ST18: variants seen among roughly 807,000 people sequenced by gnomAD.
The protein encoded by ST18 is suppression of tumorigenicity 18 protein.
In ST18, 50 loss-of-function variants were observed where a neutral mutation model predicts 110.0. That is an observed-to-expected ratio of 0.45 (90% CI 0.36 to 0.58). The LOEUF is 0.58. ST18 is among the 20% of genes least tolerant of loss of function. ST18 has a pLI of 0.00. For missense variants in ST18, 1,306 were observed against 1,280.1 expected, an observed-to-expected ratio of 1.02 and a Z score of -0.31; for synonymous variants, 461 against 452.4, an observed-to-expected ratio of 1.02 and a Z score of -0.24.
chr8:52,402,669 A>G (rs1396742527), intron 2 of ST18, among the ~76,000 whole-genome samples: 2 of 152,168 alleles, frequency 1.3e-5, no homozygotes, highest in African/African-American at 4.8e-5. Flanking sequence ...ATACAGCAGT[A>G]GGTCAGTCTC....
At chr8:52,363,714 T>C (rs567819316) in intron 2 of ST18, among the ~76,000 whole-genome samples, 2 of 152,306 alleles carry the variant, frequency 1.3e-5, no homozygotes, top group Admixed American at 1.3e-4. Flanking sequence ...TTGTTTTAAC[T>C]CAATAATGTA....
chr8:52,202,067 G>T (rs2078167313), intron 8 of ST18, among the ~76,000 whole-genome samples: 1 of 152,210 alleles, frequency 6.6e-6, no homozygotes, highest in South Asian at 2.1e-4. Context: ...AAAGGGGCCA[G>T]AACTAGATTG....
chr8:52,385,348 C>T (rs534560461), intron 2 of ST18, among the ~76,000 whole-genome samples: 2 of 152,272 alleles, frequency 1.3e-5, no homozygotes, highest in South Asian at 4.2e-4. Context: ...ACAGCTTGGT[C>T]CAGCACTTTG....
intron 2 of ST18, among the ~76,000 whole-genome samples, chr8:52,258,234 T>A (rs1053546058): frequency 6.6e-6 from 1 of 152,214 alleles, no homozygotes; most frequent in African/African-American, 2.4e-5. Flanking sequence ...TTGTTCTTCT[T>A]TTCCAGGATT....
intron 8 of ST18, among the ~76,000 whole-genome samples, chr8:52,186,125 T>A (rs913085599): frequency 1.2e-4 from 19 of 152,166 alleles, no homozygotes; most frequent in African/African-American, 4.6e-4. Context: ...CAAAGACCAT[T>A]AAGAGAGAAG....
At chr8:52,237,619 G>T (rs116205498) in intron 2 of ST18, among the ~76,000 whole-genome samples, 3 of 152,088 alleles carry the variant, frequency 2.0e-5, no homozygotes, top group Non-Finnish European at 4.4e-5. Flanking sequence ...GAGATGAAAG[G>T]GTGGATAACA....
At chr8:52,388,826 GA>G (rs1196859022) in intron 2 of ST18, among the ~76,000 whole-genome samples, 2 of 109,700 alleles carry the variant, frequency 1.8e-5, no homozygotes, top group African/African-American at 7.0e-5. Context: ...GGGGTGGGGG[GA>G]GGGGGGAGGG....
chr8:52,377,061 A>G (rs1832683055), intron 2 of ST18, among the ~76,000 whole-genome samples: 1 of 152,222 alleles, frequency 6.6e-6, no homozygotes, highest in Non-Finnish European at 1.5e-5. Context: ...ACATACACTC[A>G]AAGGTAGATC....
intron 2 of ST18, among the ~76,000 whole-genome samples, chr8:52,346,874 C>G (rs1818028635): frequency 6.6e-6 from 1 of 152,070 alleles, no homozygotes; most frequent in Non-Finnish European, 1.5e-5. Context: ...GATGAACAAT[C>G]TCTGGGGGAG....
intron 15 of ST18, among the ~76,000 whole-genome samples, chr8:52,155,065 G>A (rs1233757640): frequency 4.0e-5 from 6 of 150,756 alleles, no homozygotes. Flanking sequence ...AGCCGGGTGT[G>A]CTGGCGCACG....
chr8:52,286,622 A>C (rs1397740630), intron 2 of ST18, among the ~76,000 whole-genome samples: 1 of 152,120 alleles, frequency 6.6e-6, no homozygotes, highest in Non-Finnish European at 1.5e-5. Flanking sequence ...TAATAGGCAC[A>C]GAAATATGGG....
intron 2 of ST18, among the ~76,000 whole-genome samples, chr8:52,354,333 C>T (rs112051381): frequency 2.6e-5 from 4 of 152,204 alleles, no homozygotes; most frequent in South Asian, 2.1e-4. Context: ...TTGCCTCGAC[C>T]GAGTAAAGTC....
At chr8:52,382,766 T>C (rs950113670) in intron 2 of ST18, among the ~76,000 whole-genome samples, 44 of 151,900 alleles carry the variant, frequency 2.9e-4, no homozygotes, top group African/African-American at 1.0e-3. Flanking sequence ...TTTTTTTTTT[T>C]TGGATAAAGA....
At chr8:52,345,042 T>C (rs1229775242) in intron 2 of ST18, among the ~76,000 whole-genome samples, 1 of 152,164 alleles carries the variant, frequency 6.6e-6, no homozygotes, top group Non-Finnish European at 1.5e-5. Flanking sequence ...GGCTGATACG[T>C]TAGGCTTTCT....
intron 2 of ST18, among the ~76,000 whole-genome samples, chr8:52,255,193 G>A (rs558051737): frequency 2.7e-4 from 41 of 152,218 alleles, no homozygotes; most frequent in Middle Eastern, 6.8e-3. Context: ...TGTGCGGCCC[G>A]GAGTGCTCTA....
chr8:52,348,911 G>A (rs1399475670), intron 2 of ST18, among the ~76,000 whole-genome samples: 1 of 152,086 alleles, frequency 6.6e-6, no homozygotes, highest in Admixed American at 6.5e-5. Flanking sequence ...AGGATGCAAT[G>A]TATTTACAAT....
chr8:52,362,540 G>A (rs1470157681), intron 2 of ST18, among the ~76,000 whole-genome samples: 1 of 152,110 alleles, frequency 6.6e-6, no homozygotes, highest in Non-Finnish European at 1.5e-5. Context: ...GGATTATTGG[G>A]GGAATAAATG....
At chr8:52,375,457 C>T (rs965862457) in intron 2 of ST18, among the ~76,000 whole-genome samples, 3 of 75,092 alleles carry the variant, frequency 4.0e-5, no homozygotes, top group African/African-American at 8.2e-5. Flanking sequence ...CAGCATCTGA[C>T]CCAGCTATTA....
At chr8:52,165,935 C>T (rs1039914419) in intron 11 of ST18, among the ~76,000 whole-genome samples, 2 of 152,248 alleles carry the variant, frequency 1.3e-5, no homozygotes, top group Non-Finnish European at 1.5e-5. Context: ...TGGCAGCCCT[C>T]TGCTTCACTG....
Sources: gnomAD v4.1 joint callset for allele counts (sites outside exome capture counted in the v4.1 genomes callset) on GRCh38, gnomAD v4.1.1 for gene constraint, MANE v1.5 for transcripts, NCBI Gene and HGNC (gene_info 2026-07-23, HGNC 2026-07-21) for gene names.